The following RAG1 variants were observed in gnomAD, a reference collection of about 807,000 sequenced individuals.
RAG1 encodes the protein V(D)J recombination-activating protein 1.
A neutral mutation model predicts 62.7 loss-of-function variants in RAG1; 35 were observed. The observed-to-expected ratio is 0.56, with a 90% confidence interval of 0.43 to 0.74. The LOEUF is 0.74. Ranked by LOEUF, RAG1 falls within the 30% of genes least tolerant of loss-of-function variation. The pLI is 0.00. For synonymous variants in RAG1, 461 were observed against 470.3 expected (o/e 0.98, Z 0.26); for missense variants, 1,169 against 1,278.6 (o/e 0.91, Z 1.31).
chr11:36,566,034 C>G (rs1219853565), upstream of RAG1, among the ~76,000 whole-genome samples: 1 of 152,052 alleles, frequency 6.6e-6, no homozygotes, highest in South Asian at 2.1e-4. Context: ...GTATACATGA[C>G]TGATGAAAAA....
upstream of RAG1, among the ~76,000 whole-genome samples, chr11:36,564,411 A>G (rs1165591034): frequency 1.3e-5 from 2 of 152,126 alleles, no homozygotes; most frequent in East Asian, 3.8e-4. Context: ...GGGAGAATAG[A>G]GATTGGGATA....
At chr11:36,572,747 A>C (rs551010325) in intron 1 of RAG1, among the ~76,000 whole-genome samples, 10 of 152,314 alleles carry the variant, frequency 6.6e-5, no homozygotes, top group African/African-American at 2.4e-4. Context: ...AGTAGTGAAT[A>C]ATTAGTTTCT....
At chr11:36,515,048 T>C (rs756061518) in intron 1 of RAG1, among the ~76,000 whole-genome samples, 4 of 152,128 alleles carry the variant, frequency 2.6e-5, no homozygotes, top group Admixed American at 6.6e-5. Context: ...GTGGGCATAC[T>C]CCTGAGGGGA....
At chr11:36,557,749 A>G (rs1174388328) in intron 3 of RAG1, among the ~76,000 whole-genome samples, 1 of 152,214 alleles carries the variant, frequency 6.6e-6, no homozygotes, top group Non-Finnish European at 1.5e-5. Context: ...CTGTAACAAT[A>G]ATGAACCCTC....
chr11:36,534,216 T>C (rs533760719), intron 2 of RAG1, among the ~76,000 whole-genome samples: 2 of 152,326 alleles, frequency 1.3e-5, no homozygotes, highest in Non-Finnish European at 2.9e-5. Context: ...GAAATTTTTC[T>C]ACATTAATAA....
intron 2 of RAG1, among the ~76,000 whole-genome samples, chr11:36,522,438 G>C (rs1217682287): frequency 6.6e-6 from 1 of 152,244 alleles, no homozygotes; most frequent in Non-Finnish European, 1.5e-5. Flanking sequence ...CAAGAATTGT[G>C]GTTGGAGAAC....
At chr11:36,533,668 A>T (rs562018690) in intron 2 of RAG1, among the ~76,000 whole-genome samples, 1 of 152,268 alleles carries the variant, frequency 6.6e-6, no homozygotes, top group Admixed American at 6.5e-5. Context: ...TAATGGTGAA[A>T]GTGTTTTGTT....
At chr11:36,565,165 C>A (rs1168247924), upstream of RAG1, among the ~76,000 whole-genome samples, 10 of 152,162 alleles carry the variant, frequency 6.6e-5, no homozygotes, top group African/African-American at 2.4e-4. Context: ...TGTATGTAAT[C>A]TCAATGTCCG....
At chr11:36,518,928 C>T (rs947776223) in intron 1 of RAG1, among the ~76,000 whole-genome samples, 22 of 152,146 alleles carry the variant, frequency 1.4e-4, no homozygotes, top group Non-Finnish European at 3.1e-4. Context: ...ATGCCTATGT[C>T]CTAAATGGTA....
chr11:36,540,027 G>T (rs562181575), downstream of RAG1, among the ~76,000 whole-genome samples: 12 of 152,286 alleles, frequency 7.9e-5, no homozygotes, highest in African/African-American at 2.2e-4. Context: ...GCAGGTTATT[G>T]TGTTCTATAA....
In RAG1 at chr11:36,577,338, G is replaced by T. The variant is rs1590705260; in HGVS notation, c.*902G>T. On this transcript the variant is annotated 3_prime_UTR_variant, in exon 2 of 2. Transcript: ENST00000299440. ...CAGAGGCTTGTAAAAATATAGGTTAGCTTGATGTCTAAAAATATATTTCAT... is the reference window on the plus strand; with the variant it reads ...CAGAGGCTTGTAAAAATATAGGTTATCTTGATGTCTAAAAATATATTTCAT... The T allele has an allele frequency of 6.0e-6, 1 of 167,096 alleles. No homozygotes were observed. The highest frequency in any genetic ancestry group is 1.9e-4 in the East Asian group (1 of 5,192). 10.4% of individuals were successfully genotyped at this position (167,096 alleles called of 1,614,324 possible). A position where few individuals can be genotyped will look rare whatever the true frequency, so the allele number is the denominator to read the frequency against.
intron 2 of RAG1, among the ~76,000 whole-genome samples, chr11:36,533,739 A>G (rs1292164941): frequency 6.6e-6 from 1 of 152,102 alleles, no homozygotes; most frequent in Non-Finnish European, 1.5e-5. Context: ...GTTAAGTAGT[A>G]TTCTGGCTGA....
chr11:36,536,577 A>G (rs1364645237), downstream of RAG1, among the ~76,000 whole-genome samples: 2 of 152,094 alleles, frequency 1.3e-5, no homozygotes, highest in Non-Finnish European at 2.9e-5. Context: ...CATTAATCGT[A>G]CTGTGCATAA....
upstream of RAG1, among the ~76,000 whole-genome samples, chr11:36,565,434 G>A (rs1850648387): frequency 1.3e-5 from 2 of 152,186 alleles, no homozygotes; most frequent in African/African-American, 2.4e-5. Context: ...TTGCCTGGAG[G>A]AGCAGGGCCA....
intron 3 of RAG1, among the ~76,000 whole-genome samples, chr11:36,549,340 T>A (rs1160329471): frequency 2.0e-5 from 3 of 152,174 alleles, no homozygotes; most frequent in Non-Finnish European, 4.4e-5. Context: ...ACAGGCAACC[T>A]ATGGAATGGG....
At chr11:36,560,918 C>A (rs1466631536) in intron 3 of RAG1, among the ~76,000 whole-genome samples, 1 of 152,176 alleles carries the variant, frequency 6.6e-6, no homozygotes, top group Non-Finnish European at 1.5e-5. Context: ...TAGTGTTCCG[C>A]GTTAGACGCT....
intron 1 of RAG1, among the ~76,000 whole-genome samples, chr11:36,572,907 T>C (rs945023297): frequency 6.6e-6 from 1 of 152,216 alleles, no homozygotes; most frequent in African/African-American, 2.4e-5. Flanking sequence ...TTTTCTTTGA[T>C]TTTAGTAGCC....
At chr11:36,551,526 T>C (rs1850482355) in intron 3 of RAG1, among the ~76,000 whole-genome samples, 1 of 152,048 alleles carries the variant, frequency 6.6e-6, no homozygotes, top group African/African-American at 2.4e-5. Context: ...GTCTGTGTTC[T>C]AATCTCTTTT....
intron 3 of RAG1, among the ~76,000 whole-genome samples, chr11:36,562,673 A>G (rs1400380787): frequency 1.3e-5 from 2 of 152,164 alleles, no homozygotes; most frequent in Non-Finnish European, 2.9e-5. Flanking sequence ...GATGAAGGAA[A>G]TGCCCAAGAT....
Sources: allele counts gnomAD v4.1 joint callset (sites outside exome capture counted in the v4.1 genomes callset), GRCh38; gene constraint gnomAD v4.1.1; transcripts MANE v1.5; gene names NCBI Gene and HGNC (gene_info 2026-07-23, HGNC 2026-07-21).